PTPRK: variants seen among roughly 807,000 people sequenced by gnomAD.
PTPRK encodes protein tyrosine phosphatase receptor type K.
A neutral mutation model predicts 178.0 loss-of-function variants in PTPRK; 75 were observed. The ratio of observed to expected loss-of-function variants is 0.42; its 90% CI spans 0.35 to 0.51. The LOEUF (loss-of-function observed/expected upper bound fraction) is 0.51, where lower values mean the gene tolerates loss of function less well. Ranked by LOEUF, PTPRK falls within the 20% of genes least tolerant of loss-of-function variation. The probability of loss-of-function intolerance (pLI) is 0.02; values close to 1 mark genes in which losing one functional copy is unlikely to be tolerated. For missense variants in PTPRK, 1,441 were observed against 1,797.8 expected, an observed-to-expected ratio of 0.80 and a Z score of 3.59; for synonymous variants, 637 against 620.6, an observed-to-expected ratio of 1.03 and a Z score of -0.39.
chr6:128,122,839 C>T (rs1218173830), intron 7 of PTPRK, among the ~76,000 whole-genome samples: 1 of 152,108 alleles, frequency 6.6e-6, no homozygotes. Context: ...TAACACTTGG[C>T]AGACTAATAA....
chr6:128,342,676 T>G (rs1441155055), intron 2 of PTPRK, among the ~76,000 whole-genome samples: 2 of 152,140 alleles, frequency 1.3e-5, no homozygotes, highest in African/African-American at 2.4e-5. Flanking sequence ...GTATTGTAAA[T>G]TGATTCTCAG....
rs193016625 is a variant in PTPRK at position 128,391,440 on chromosome 6, G to A, written c.223+6126C>T. ...ATTTTGGCCTGATTTTCTCAATCTC[G>A]TAATACAAAACTAGCGATAATATTG... On this transcript the variant is annotated intron_variant, in intron 2 of 29. Coordinates refer to ENST00000368226, the MANE Select transcript of PTPRK (RefSeq NM_002844.4). Among the ~76,000 whole-genome samples the A allele has an allele frequency of 2.2e-3, 338 of 152,214 alleles. 1 individual carries two copies. The highest frequency in any genetic ancestry group is 5.8e-3 in the Admixed American group (89 of 15,288).
intron 1 of PTPRK, among the ~76,000 whole-genome samples, chr6:128,450,158 A>C (rs939594416): frequency 2.0e-5 from 3 of 151,882 alleles, no homozygotes; most frequent in African/African-American, 7.3e-5. Context: ...AAAAAGAACC[A>C]TATAAGCAGA....
intron 2 of PTPRK, among the ~76,000 whole-genome samples, chr6:128,341,292 A>T (rs1831626998): frequency 6.6e-6 from 1 of 152,186 alleles, no homozygotes; most frequent in Admixed American, 6.5e-5. Context: ...TTAGACTCAG[A>T]AAGTTAAAAA....
chr6:127,974,817 C>CT (rs1378648582), intron 27 of PTPRK, among the ~76,000 whole-genome samples: 2 of 152,128 alleles, frequency 1.3e-5, no homozygotes, highest in South Asian at 4.1e-4. Flanking sequence ...ACACGGAAAT[C>CT]TTTTTTTCCT....
intron 7 of PTPRK, among the ~76,000 whole-genome samples, chr6:128,165,769 G>T (rs998178690): frequency 2.6e-5 from 4 of 151,152 alleles, no homozygotes; most frequent in Non-Finnish European, 5.9e-5. Context: ...AAGGTACTAT[G>T]AATACTCAAG....
chr6:128,137,967 T>A (rs1223821615), intron 7 of PTPRK, among the ~76,000 whole-genome samples: 1 of 152,150 alleles, frequency 6.6e-6, no homozygotes, highest in Non-Finnish European at 1.5e-5. Context: ...TCTTGCCCAT[T>A]TGAAATGTAA....
intron 1 of PTPRK, 137 bp from the exon 2 acceptor site, chr6:128,397,825 CT>C (rs554538343): frequency 6.7e-5 from 55 of 826,960 alleles, no homozygotes; most frequent in Non-Finnish European, 9.6e-5. Flanking sequence ...CTGTTTATCA[CT>C]ATTCTCTTTA....
chr6:128,094,135 A>G (rs1787509278), intron 7 of PTPRK, among the ~76,000 whole-genome samples: 1 of 152,202 alleles, frequency 6.6e-6, no homozygotes, highest in Non-Finnish European at 1.5e-5. Context: ...ATCATATAGG[A>G]GATAATACAG....
At chr6:127,977,512 G>C (rs1562370307) in intron 25 of PTPRK, among the ~76,000 whole-genome samples, 1 of 152,108 alleles carries the variant, frequency 6.6e-6, no homozygotes, top group Non-Finnish European at 1.5e-5. Flanking sequence ...GTGTGTGCGT[G>C]CAAGTAAAAT....
intron 5 of PTPRK, among the ~76,000 whole-genome samples, chr6:128,237,778 T>G (rs1375431605): frequency 6.6e-6 from 1 of 152,300 alleles, no homozygotes; most frequent in East Asian, 1.9e-4. Flanking sequence ...TCTGTTTGCA[T>G]GAGTTAGCTG....
At chr6:128,326,151 C>G (rs1829528710) in intron 2 of PTPRK, among the ~76,000 whole-genome samples, 1 of 151,970 alleles carries the variant, frequency 6.6e-6, no homozygotes, top group Non-Finnish European at 1.5e-5. Context: ...GGGGAACACA[C>G]ACCAGGGCCT....
chr6:128,001,190 A>T, intron 15 of PTPRK: 2 of 1,530,648 alleles, frequency 1.3e-6, no homozygotes, highest in Non-Finnish European at 1.8e-6. Context: ...TTTGCAATAC[A>T]CTTACCTGTT....
intron 2 of PTPRK, among the ~76,000 whole-genome samples, chr6:128,385,301 G>T (rs1162180161): frequency 6.6e-6 from 1 of 151,682 alleles, no homozygotes; most frequent in African/African-American, 2.4e-5. Context: ...ACAACCGCAG[G>T]GATTCACTTC....
At chr6:128,303,703 G>A (rs1825971025) in intron 3 of PTPRK, among the ~76,000 whole-genome samples, 1 of 152,042 alleles carries the variant, frequency 6.6e-6, no homozygotes, top group African/African-American at 2.4e-5. Context: ...TTAAAGCTGT[G>A]GAATGAAGAT....
chr6:128,018,292 G>A (rs1174416162), intron 13 of PTPRK, among the ~76,000 whole-genome samples: 1 of 151,920 alleles, frequency 6.6e-6, no homozygotes, highest in African/African-American at 2.4e-5. Flanking sequence ...TTATATAAGA[G>A]CATTTATCAA....
chr6:128,442,671 C>T (rs1846428724), intron 1 of PTPRK, among the ~76,000 whole-genome samples: 1 of 152,166 alleles, frequency 6.6e-6, no homozygotes, highest in Non-Finnish European at 1.5e-5. Flanking sequence ...CATCTTCATA[C>T]ATAACGAAAA....
chr6:128,227,385 AACC>A, intron 5 of PTPRK, among the ~76,000 whole-genome samples: 1 of 152,190 alleles, frequency 6.6e-6, no homozygotes, highest in Non-Finnish European at 1.5e-5. Context: ...AATCTTTCTG[AACC>A]TGCCACATAA....
intron 1 of PTPRK, among the ~76,000 whole-genome samples, chr6:128,400,149 A>G (rs144029259): frequency 1.3e-5 from 2 of 152,264 alleles, no homozygotes; most frequent in African/African-American, 4.8e-5. Flanking sequence ...ATATTAAAAT[A>G]AATACAATGT....
Sources: allele counts gnomAD v4.1 joint callset (sites outside exome capture counted in the v4.1 genomes callset), GRCh38; gene constraint gnomAD v4.1.1; transcripts MANE v1.5; gene names NCBI Gene and HGNC (gene_info 2026-07-23, HGNC 2026-07-21).